The following DMD variants were observed in gnomAD, a reference collection of about 807,000 sequenced individuals.
DMD encodes the protein dystrophin.
Under a neutral mutation model 330.1 loss-of-function variants are expected in DMD, and 63 were observed. The ratio of observed to expected loss-of-function variants is 0.19; its 90% CI spans 0.16 to 0.24. The LOEUF is 0.24. Among genes scored for constraint, DMD ranks in the 10% least tolerant of loss-of-function variants. DMD has a pLI of 1.00. For synonymous variants in DMD, 1,223 were observed against 959.8 expected, an observed-to-expected ratio of 1.27 and a Z score of -5.07; for missense variants, 3,344 against 2,684.1, an observed-to-expected ratio of 1.25 and a Z score of -5.43.
intron 62 of DMD, among the ~76,000 whole-genome samples, chrX:31,320,802 G>C (rs2056356461): frequency 8.9e-6 from 1 of 111,994 alleles, no homozygotes. Flanking sequence ...ATTTCAAAGA[G>C]ATTATAATTG....
At chrX:33,068,733 C>T (rs1395369849) in intron 1 of DMD, among the ~76,000 whole-genome samples, 2 of 112,163 alleles carry the variant, frequency 1.8e-5, no homozygotes, top group Non-Finnish European at 3.8e-5. Context: ...AAAAATCTGA[C>T]TTTGTGATGC....
At chrX:32,076,383 CTTT>C (rs770728145) in intron 44 of DMD, among the ~76,000 whole-genome samples, 1 of 90,887 alleles carries the variant, frequency 1.1e-5, no homozygotes. Flanking sequence ...TTCTTTCTTT[CTTT>C]TTTTTTTTTT....
intron 78 of DMD, 125 bp from the exon 79 acceptor site, chrX:31,122,055 C>T (rs2032695467): frequency 2.0e-5 from 11 of 546,609 alleles, no homozygotes; most frequent in South Asian, 5.1e-5. Context: ...GAAGCTGCAT[C>T]GAGGGTGTAC....
chrX:31,348,088 C>T (rs2058196379), intron 61 of DMD: 1 of 130,879 alleles, frequency 7.6e-6, no homozygotes, highest in Admixed American at 7.9e-5. Flanking sequence ...TATAGAGTCA[C>T]AGTAACATAT....
At chrX:31,349,253 C>A (rs1035403318) in intron 60 of DMD, among the ~76,000 whole-genome samples, 11 of 112,133 alleles carry the variant, frequency 9.8e-5, no homozygotes, top group East Asian at 2.8e-4. Context: ...GCCAGCCTGG[C>A]CAACATGGTG....
intron 7 of DMD, among the ~76,000 whole-genome samples, chrX:32,714,000 A>G (rs373216219): frequency 8.9e-6 from 1 of 112,051 alleles, no homozygotes; most frequent in Non-Finnish European, 1.9e-5. Flanking sequence ...AAAGTACTGA[A>G]TATATCGTGT....
chrX:32,594,111 A>G (rs973007847), intron 13 of DMD, among the ~76,000 whole-genome samples: 15 of 112,771 alleles, frequency 1.3e-4, no homozygotes, highest in African/African-American at 4.8e-4. Context: ...GAAATCCTAA[A>G]ATATCATCAT....
chrX:32,864,765 T>C (rs2082352137), intron 2 of DMD, among the ~76,000 whole-genome samples: 1 of 112,107 alleles, frequency 8.9e-6, no homozygotes, highest in Non-Finnish European at 1.9e-5. Flanking sequence ...TTCACTCTAA[T>C]GTATTTGAAA....
At chrX:32,170,955 G>A (rs1163508471) in intron 44 of DMD, among the ~76,000 whole-genome samples, 1 of 111,190 alleles carries the variant, frequency 9.0e-6, no homozygotes, top group Non-Finnish European at 1.9e-5. Context: ...ATTTATACCT[G>A]TTATATGTAA....
At chrX:31,341,891 G>GCACACACACACA (rs58867858) in intron 61 of DMD, among the ~76,000 whole-genome samples, 6 of 98,872 alleles carry the variant, frequency 6.1e-5, no homozygotes, top group African/African-American at 1.5e-4. Context: ...GTGCGCGCGC[G>GCACACACACACA]CACACACACA....
chrX:31,461,353 C>G (rs774653663), intron 59 of DMD, among the ~76,000 whole-genome samples: 2 of 111,512 alleles, frequency 1.8e-5, no homozygotes, highest in Non-Finnish European at 3.8e-5. Context: ...GTTGGGACTT[C>G]TTAGCCTTGC....
rs192844894 is a variant in DMD at position 31,955,219 on chromosome X, C to T, written c.6614+13120G>A. Among the ~76,000 whole-genome samples the T allele has an allele frequency of 4.8e-3, 537 of 111,349 alleles. 4 individuals carry two copies. Among genetic ancestry groups the T allele is most frequent in the African/African-American group, 0.016 (506 of 30,675 alleles). On this transcript the variant is annotated intron_variant, in intron 45 of 78. Transcript: ENST00000357033. ...AAAGCATATCAAATATAGTACTTTTCCTTAGACATAAGAGGAAGCACATAT... is the reference window on the plus strand; with the variant it reads ...AAAGCATATCAAATATAGTACTTTTTCTTAGACATAAGAGGAAGCACATAT...
chrX:32,883,481 C>G (rs1466943138), intron 2 of DMD, among the ~76,000 whole-genome samples: 1 of 110,603 alleles, frequency 9.0e-6, no homozygotes, highest in Admixed American at 9.6e-5. Flanking sequence ...AATTGTCATT[C>G]TAGAGTTAAC....
In DMD at chrX:31,422,285, T is replaced by C. The variant is rs138020032; in HGVS notation, c.9084+22196A>G. ...TTGGCCTCTCAAAGTGCTGGGATTA[T>C]AGGCATGGGCCACCGCACCTGGCCA... On this transcript the variant is annotated intron_variant, in intron 60 of 78. Transcript: ENST00000357033. 4.1e-3 allele frequency among the ~76,000 whole-genome samples: 454 copies of C among 110,477 alleles called. 7 individuals are homozygous for C. Among genetic ancestry groups the C allele is most frequent in the Non-Finnish European group, 5.0e-3 (267 of 52,908 alleles).
At chrX:32,352,132 A>AT (rs990583738) in intron 37 of DMD, among the ~76,000 whole-genome samples, 11 of 110,805 alleles carry the variant, frequency 9.9e-5, no homozygotes, top group Admixed American at 1.9e-4. Flanking sequence ...GAGGACTGCA[A>AT]TTTTTTTAAA....
intron 7 of DMD, among the ~76,000 whole-genome samples, chrX:32,803,705 A>C (rs2076751126): frequency 8.9e-6 from 1 of 111,842 alleles, no homozygotes; most frequent in African/African-American, 3.3e-5. Context: ...TTTCTGCCTT[A>C]ATTTCATTAT....
chrX:31,944,325 T>A (rs10127066), intron 45 of DMD, among the ~76,000 whole-genome samples: 1 of 111,604 alleles, frequency 9.0e-6, no homozygotes, highest in Non-Finnish European at 1.9e-5. Flanking sequence ...TTAAGCTAAC[T>A]TTTAAAGAGA....
intron 29 of DMD, among the ~76,000 whole-genome samples, chrX:32,419,133 C>A (rs1472216228): frequency 9.1e-6 from 1 of 110,477 alleles, no homozygotes; most frequent in African/African-American, 3.3e-5. Flanking sequence ...ACAAAAATTT[C>A]CAGATGTCTA....
chrX:32,569,140 G>A (rs762807958), intron 15 of DMD, among the ~76,000 whole-genome samples: 2 of 111,384 alleles, frequency 1.8e-5, no homozygotes, highest in Non-Finnish European at 3.8e-5. Context: ...AGGGAGGAAG[G>A]TACAGTCAAT....
Sources: allele counts gnomAD v4.1 joint callset (sites outside exome capture counted in the v4.1 genomes callset), GRCh38; gene constraint gnomAD v4.1.1; transcripts MANE v1.5; gene names NCBI Gene and HGNC (gene_info 2026-07-23, HGNC 2026-07-21).